GULP1: variants seen among roughly 807,000 people sequenced by gnomAD.
GULP1 encodes the protein PTB domain-containing engulfment adapter protein 1.
Under a neutral mutation model 40.9 loss-of-function variants are expected in GULP1, and 19 were observed. The observed-to-expected ratio is 0.46, with a 90% CI of 0.32 to 0.68. GULP1 has a LOEUF of 0.68. GULP1 is among the 30% of genes least tolerant of loss of function. The pLI, the probability that GULP1 is intolerant of heterozygous loss-of-function variation, is 0.03. For synonymous variants in GULP1, 119 were observed against 117.6 expected (o/e 1.01, Z -0.08); for missense variants, 312 against 362.2 (o/e 0.86, Z 1.12).
chr2:188,461,161 T>G (rs1233737336), intron 2 of GULP1, among the ~76,000 whole-genome samples: 1 of 152,146 alleles, frequency 6.6e-6, no homozygotes, highest in Non-Finnish European at 1.5e-5. Context: ...ATCAGGATAA[T>G]CCTGGCCTCA....
chr2:188,431,616 TAA>T (rs1491055365), intron 2 of GULP1, among the ~76,000 whole-genome samples: 1 of 152,150 alleles, frequency 6.6e-6, no homozygotes, highest in Non-Finnish European at 1.5e-5. Context: ...CTAGGAAGAC[TAA>T]GTCTCTTAAT....
chr2:188,468,510 C>T (rs948367732), intron 2 of GULP1, among the ~76,000 whole-genome samples: 2 of 152,106 alleles, frequency 1.3e-5, no homozygotes, highest in African/African-American at 4.8e-5. Context: ...TAGATATGTA[C>T]TTGATACTAG....
chr2:188,384,050 G>T (rs1023888652), intron 2 of GULP1, among the ~76,000 whole-genome samples, 161 bp downstream of exon 2: 1 of 152,020 alleles, frequency 6.6e-6, no homozygotes. Flanking sequence ...GCACTGATGA[G>T]CCTTTTTTCT....
intron 9 of GULP1, among the ~76,000 whole-genome samples, chr2:188,573,647 A>T (rs1699575286): frequency 6.6e-6 from 1 of 152,108 alleles, no homozygotes; most frequent in African/African-American, 2.4e-5. Flanking sequence ...TGTGGGTTTT[A>T]TGTGTTTGTT....
intron 1 of GULP1, among the ~76,000 whole-genome samples, chr2:188,361,804 A>G (rs1193256959): frequency 6.6e-6 from 1 of 152,046 alleles, no homozygotes; most frequent in Non-Finnish European, 1.5e-5. Flanking sequence ...ATCCTGTTCT[A>G]ATGGAGAGGA....
rs148795277 is a variant in GULP1 at position 188,313,203 on chromosome 2, G to A, written c.-172+21037G>A. Among the ~76,000 whole-genome samples, 685 of 152,232 alleles carry A rather than the reference G, an allele frequency of 4.5e-3. 5 individuals carry two copies. Among genetic ancestry groups the A allele is most frequent in the African/African-American group, 0.015 (635 of 41,532 alleles). On this transcript the variant is annotated intron_variant, in intron 1 of 11. Coordinates refer to ENST00000409830, the MANE Select transcript of GULP1 (RefSeq NM_016315.4). ...TTATGAAGTCTTTGTCCATGCCTGC[G>A]TCCTGAATGGTATTTCCCAGGTTTT...
intron 1 of GULP1, among the ~76,000 whole-genome samples, chr2:188,356,583 A>T (rs966599575): frequency 2.0e-5 from 3 of 152,164 alleles, no homozygotes; most frequent in African/African-American, 4.8e-5. Context: ...GGATTAACAC[A>T]ATTAATATTG....
At chr2:188,342,639 G>C (rs1203027385) in intron 1 of GULP1, among the ~76,000 whole-genome samples, 1 of 151,976 alleles carries the variant, frequency 6.6e-6, no homozygotes, top group Non-Finnish European at 1.5e-5. Flanking sequence ...TACAAACTTG[G>C]GTTTCATATC....
intron 2 of GULP1, among the ~76,000 whole-genome samples, chr2:188,408,750 G>C (rs1407968502): frequency 1.3e-5 from 2 of 152,172 alleles, no homozygotes; most frequent in African/African-American, 4.8e-5. Context: ...CATTCTCCAT[G>C]ATAGATCATA....
At chr2:188,551,251 C>T (rs1377078030) in intron 7 of GULP1, among the ~76,000 whole-genome samples, 1 of 151,598 alleles carries the variant, frequency 6.6e-6, no homozygotes, top group Non-Finnish European at 1.5e-5. Context: ...ACTCTACTAT[C>T]AAACATTGAA....
At chr2:188,394,406 C>G (rs1432044481) in intron 2 of GULP1, among the ~76,000 whole-genome samples, 1 of 151,876 alleles carries the variant, frequency 6.6e-6, no homozygotes, top group Non-Finnish European at 1.5e-5. Context: ...ATATCTTTCT[C>G]TTTAGAAAAA....
intron 1 of GULP1, among the ~76,000 whole-genome samples, chr2:188,296,279 A>G (rs2034909501): frequency 6.6e-6 from 1 of 152,102 alleles, no homozygotes; most frequent in African/African-American, 2.4e-5. Flanking sequence ...TATGAAATTG[A>G]AATCAGGCCT....
intron 8 of GULP1, 94 bp from the exon 9 acceptor site, chr2:188,569,934 G>A (rs1341948514): frequency 1.7e-6 from 1 of 576,132 alleles, no homozygotes; most frequent in East Asian, 3.2e-5. Context: ...GTACATTAAA[G>A]TTTTACGTAA....
intron 2 of GULP1, among the ~76,000 whole-genome samples, chr2:188,400,195 A>G (rs551442846): frequency 2.0e-5 from 3 of 151,970 alleles, no homozygotes; most frequent in Non-Finnish European, 4.4e-5. Context: ...AGGCAACATA[A>G]CTCCAATCTC....
At chr2:188,309,064 T>C (rs1441166750) in intron 1 of GULP1, among the ~76,000 whole-genome samples, 1 of 152,190 alleles carries the variant, frequency 6.6e-6, no homozygotes. Context: ...ATTTATATTG[T>C]TACTTTGTTG....
At chr2:188,385,144 C>G (rs929502934) in intron 2 of GULP1, among the ~76,000 whole-genome samples, 2 of 152,192 alleles carry the variant, frequency 1.3e-5, no homozygotes, top group Non-Finnish European at 2.9e-5. Flanking sequence ...GAGAGGTTCT[C>G]CATGAGGACC....
intron 2 of GULP1, among the ~76,000 whole-genome samples, chr2:188,420,559 G>T (rs1213250234): frequency 6.6e-6 from 1 of 152,142 alleles, no homozygotes; most frequent in African/African-American, 2.4e-5. Flanking sequence ...CTTGTCCCGT[G>T]ACCAGGAGGA....
chr2:188,352,728 G>C (rs2044674909), intron 1 of GULP1, among the ~76,000 whole-genome samples: 2 of 151,552 alleles, frequency 1.3e-5, no homozygotes, highest in African/African-American at 4.9e-5. Flanking sequence ...GTATGTTTCA[G>C]TAAGATTTCA....
In GULP1 at chr2:188,406,692, A is replaced by C. The variant is rs75539984; in HGVS notation, c.-45+22803A>C. Among the ~76,000 whole-genome samples, 400 of 152,230 alleles carry C rather than the reference A, an allele frequency of 2.6e-3. 6 individuals are homozygous for C. Among genetic ancestry groups the C allele is most frequent in the Non-Finnish European group, 2.1e-3 (141 of 68,018 alleles). ...AGAGAACAAAACAAAACAAAAAATA[A>C]AAAGGAATGAAGAAATATTACAAGA... On this transcript the variant is annotated intron_variant, in intron 2 of 11. Transcript: ENST00000409830.
Sources: allele counts gnomAD v4.1 joint callset (sites outside exome capture counted in the v4.1 genomes callset), GRCh38; gene constraint gnomAD v4.1.1; transcripts MANE v1.5; gene names NCBI Gene and HGNC (gene_info 2026-07-23, HGNC 2026-07-21).